The following AQR variants were observed in gnomAD, a reference collection of about 807,000 sequenced individuals.
The protein encoded by AQR is aquarius intron-binding spliceosomal factor.
In AQR, 61 loss-of-function variants were observed where a neutral mutation model predicts 180.5. That is an observed-to-expected ratio of 0.34 (90% confidence interval 0.28 to 0.42). The LOEUF (loss-of-function observed/expected upper bound fraction) is 0.42, where lower values mean the gene tolerates loss of function less well. AQR is among the 10% of genes least tolerant of loss of function. The pLI is 1.00. For missense variants in AQR, 1,281 were observed against 1,798.3 expected, an observed-to-expected ratio of 0.71 and a Z score of 5.20; for synonymous variants, 551 against 588.8, an observed-to-expected ratio of 0.94 and a Z score of 0.93.
intron 27 of AQR, among the ~76,000 whole-genome samples, chr15:34,877,236 C>A (rs916839364): frequency 2.0e-5 from 3 of 152,192 alleles, no homozygotes; most frequent in Non-Finnish European, 4.4e-5. Context: ...ACATCTAATT[C>A]TGATCGCTAC....
intron 11 of AQR, among the ~76,000 whole-genome samples, chr15:34,931,675 G>A (rs924443564): frequency 2.6e-5 from 4 of 152,122 alleles, no homozygotes; most frequent in African/African-American, 9.7e-5. Flanking sequence ...GGGCGTGGCG[G>A]TGCATGCCTG....
intron 30 of AQR, among the ~76,000 whole-genome samples, chr15:34,872,464 T>C (rs1040887855): frequency 3.3e-5 from 5 of 152,108 alleles, no homozygotes; most frequent in African/African-American, 1.2e-4. Context: ...TAAAAATGTT[T>C]CAATCAATAC....
chr15:34,956,673 A>G (rs75571337), intron 3 of AQR, among the ~76,000 whole-genome samples: 167 of 148,576 alleles, frequency 1.1e-3, no homozygotes, highest in Non-Finnish European at 1.7e-3. Flanking sequence ...AAAGAACAGA[A>G]CAGAATATTC....
At chr15:34,939,952 T>C (rs539019634) in intron 8 of AQR, among the ~76,000 whole-genome samples, 7 of 152,202 alleles carry the variant, frequency 4.6e-5, no homozygotes, top group African/African-American at 9.7e-5. Flanking sequence ...CTAAGTCTGA[T>C]TGTAGAACCT....
chr15:34,884,036 C>G (rs996065052), intron 26 of AQR, among the ~76,000 whole-genome samples: 4 of 152,134 alleles, frequency 2.6e-5, no homozygotes, highest in Non-Finnish European at 5.9e-5. Context: ...CTCAAAAATA[C>G]TAAGACCTTT....
At chr15:34,900,067 A>C (rs1360936089) in intron 20 of AQR, among the ~76,000 whole-genome samples, 2 of 151,396 alleles carry the variant, frequency 1.3e-5, no homozygotes, top group African/African-American at 2.4e-5. Context: ...TACTTTTTTG[A>C]ATTTTTTTAG....
At chr15:34,924,454 C>CAA (rs1893727557) in intron 13 of AQR, among the ~76,000 whole-genome samples, 1 of 148,542 alleles carries the variant, frequency 6.7e-6, no homozygotes, top group Admixed American at 6.7e-5. Context: ...TTTTTTGAGA[C>CAA]AGAGTCTCAC....
At chr15:34,898,603 C>T (rs748518407) in intron 20 of AQR, among the ~76,000 whole-genome samples, 5 of 152,232 alleles carry the variant, frequency 3.3e-5, no homozygotes, top group South Asian at 2.1e-4. Flanking sequence ...AAACTATCCT[C>T]GGCCAGGCGC....
intron 20 of AQR, among the ~76,000 whole-genome samples, chr15:34,899,467 C>G (rs1893297381): frequency 6.6e-6 from 1 of 151,994 alleles, no homozygotes; most frequent in Non-Finnish European, 1.5e-5. Context: ...CAGCCTCACA[C>G]TCCTGGGTTC....
At position 34,870,791 on chromosome 15, in the gene AQR, T is replaced by C. The variant is rs756859550; in HGVS notation, c.3729A>G (p.Arg1243=). 16 of 1,613,006 alleles carry C rather than the reference T, an allele frequency of 9.9e-6. No individual in the cohort carries two copies. The East Asian group carries it at 3.1e-4, about 31-fold the overall frequency. Residue 1243 remains arginine (R), a synonymous_variant, in exon 31 of 35, where the codon AGA becomes AGG. Transcript: ENST00000156471. ...QKHLIRDIIN[R]RCGNNPLIGR... ...CAATCAATGGATTGTTTCCACATCGTCTATTGATGATGTCGCGAATAAGAT... is the reference window on the plus strand; with the variant it reads ...CAATCAATGGATTGTTTCCACATCGCCTATTGATGATGTCGCGAATAAGAT...
chr15:34,936,157 T>G (rs1893940587), intron 9 of AQR, among the ~76,000 whole-genome samples: 1 of 152,214 alleles, frequency 6.6e-6, no homozygotes, highest in Non-Finnish European at 1.5e-5. Context: ...CTGTAACTTT[T>G]TTTCCCTTCT....
intron 5 of AQR, among the ~76,000 whole-genome samples, chr15:34,944,716 TTTG>T (rs1433377626): frequency 1.3e-5 from 2 of 152,226 alleles, no homozygotes; most frequent in East Asian, 3.8e-4. Flanking sequence ...TAGCTTAGGC[TTTG>T]TTTTCTTATT....
chr15:34,864,888 A>C (rs1892720504), intron 32 of AQR, among the ~76,000 whole-genome samples: 1 of 152,196 alleles, frequency 6.6e-6, no homozygotes, highest in Non-Finnish European at 1.5e-5. Flanking sequence ...GGATATATTA[A>C]TGAATCTGCC....
intron 5 of AQR, among the ~76,000 whole-genome samples, chr15:34,946,752 G>C (rs1894130597): frequency 6.9e-6 from 1 of 144,322 alleles, no homozygotes; most frequent in South Asian, 2.2e-4. Flanking sequence ...CCGGGAGGGA[G>C]GGAGGTGGGG....
intron 4 of AQR, among the ~76,000 whole-genome samples, chr15:34,950,385 G>A (rs756824412): frequency 1.8e-4 from 27 of 151,588 alleles, no homozygotes; most frequent in Non-Finnish European, 3.1e-4. Flanking sequence ...ACCACTCCCG[G>A]CCCTCTTTGC....
At position 34,854,363 on chromosome 15, in the gene AQR, C is replaced by T. The variant is rs1332071100; in HGVS notation, c.*2429G>A. On this transcript the variant is annotated 3_prime_UTR_variant, in exon 35 of 35. Transcript: ENST00000156471. Reference sequence around the variant, plus strand: ...CTAGAGTACCTGTGTCTGTAGTAATCCCAAACTATATAGAAAACTCTTGAA... The same window carrying T: ...CTAGAGTACCTGTGTCTGTAGTAATTCCAAACTATATAGAAAACTCTTGAA... 1.3e-5 allele frequency: 2 copies of T among 152,016 alleles called. No homozygotes were observed. The allele number at this position is 152,016 out of a possible 1,614,324, so 9.4% of individuals were successfully genotyped here.
rs1415021728 is a variant in AQR, at chr15:34,887,188, GT to G, written c.2682-528del. ...TGGAACAGTATTGATCTGCAAGGGT[GT>G]TACTGGTCTAGGAGGAGGGAAAGTC... On this transcript the variant is annotated intron_variant, in intron 24 of 34. Coordinates refer to ENST00000156471, the MANE Select transcript of AQR (RefSeq NM_014691.3). 7.1e-4 allele frequency among the ~76,000 whole-genome samples: 108 copies of G among 151,962 alleles called. 1 individual carries two copies. The highest frequency in any genetic ancestry group is 2.5e-3 in the African/African-American group (105 of 41,470).
intron 26 of AQR, among the ~76,000 whole-genome samples, chr15:34,883,124 C>A (rs893887052): frequency 6.6e-6 from 1 of 152,040 alleles, no homozygotes; most frequent in African/African-American, 2.4e-5. Context: ...ACTGTAGTCA[C>A]ACAAAAAAGC....
At chr15:34,861,878 G>T (rs1366151091) in intron 33 of AQR, among the ~76,000 whole-genome samples, 1 of 151,634 alleles carries the variant, frequency 6.6e-6, no homozygotes, top group Non-Finnish European at 1.5e-5. Flanking sequence ...TTTTAGTAGG[G>T]GTGGAGGGAA....
Sources: allele counts gnomAD v4.1 joint callset (sites outside exome capture counted in the v4.1 genomes callset), GRCh38; gene constraint gnomAD v4.1.1; transcripts MANE v1.5; gene names NCBI Gene and HGNC (gene_info 2026-07-23, HGNC 2026-07-21).